Variants in RTF1 observed in about 807,000 individuals in gnomAD.
The protein encoded by RTF1 is RTF1 homolog, Paf1/RNA polymerase II complex component.
RTF1 carries 10 observed loss-of-function variants against 95.7 expected under a neutral mutation model. The observed-to-expected ratio is 0.10, with a 90% confidence interval of 0.06 to 0.18. The LOEUF (loss-of-function observed/expected upper bound fraction) is 0.18. Among genes scored for constraint, RTF1 ranks in the 10% least tolerant of loss-of-function variants. RTF1 has a pLI of 1.00. For missense variants in RTF1, 458 were observed against 875.6 expected (o/e 0.52, Z 6.02); for synonymous variants, 305 against 311.8 (o/e 0.98, Z 0.23).
intron 1 of RTF1, among the ~76,000 whole-genome samples, chr15:41,434,219 G>A (rs1162997192): frequency 6.6e-6 from 1 of 151,110 alleles, no homozygotes; most frequent in African/African-American, 2.4e-5. Flanking sequence ...TTGGGCTCAA[G>A]CGGTCCTCCC....
chr15:41,472,043 C>T (rs1414064438), intron 8 of RTF1, among the ~76,000 whole-genome samples: 4 of 151,108 alleles, frequency 2.6e-5, no homozygotes, highest in Admixed American at 6.6e-5. Context: ...GGACTACAGG[C>T]GCATGCCACC....
intron 1 of RTF1, 51 bp downstream of exon 1, chr15:41,417,364 G>A (rs1287770346): frequency 8.1e-6 from 10 of 1,240,358 alleles, no homozygotes; most frequent in East Asian, 3.2e-5. Context: ...GGGCTGTCGG[G>A]GCCGCGGGAG....
chr15:41,437,066 G>A (rs1350558552), intron 1 of RTF1, among the ~76,000 whole-genome samples: 1 of 152,026 alleles, frequency 6.6e-6, no homozygotes, highest in African/African-American at 2.4e-5. Context: ...CAGCCTGGGC[G>A]ACAGAGCAAG....
At chr15:41,444,418 C>T (rs561899489) in intron 2 of RTF1, among the ~76,000 whole-genome samples, 1 of 151,842 alleles carries the variant, frequency 6.6e-6, no homozygotes, top group African/African-American at 2.4e-5. Context: ...CTCAGCCTCT[C>T]GAGTAGCTGG....
chr15:41,455,824 G>A (rs1179414999), intron 3 of RTF1, among the ~76,000 whole-genome samples: 1 of 151,870 alleles, frequency 6.6e-6, no homozygotes, highest in Non-Finnish European at 1.5e-5. Flanking sequence ...GACTTGGGGA[G>A]GGAGTGAGGG....
intron 6 of RTF1, among the ~76,000 whole-genome samples, chr15:41,469,985 A>C (rs1292270448): frequency 6.6e-6 from 1 of 152,162 alleles, no homozygotes; most frequent in Non-Finnish European, 1.5e-5. Context: ...GTGCCATAAA[A>C]GAGAACTGTC....
At chr15:41,431,329 C>G (rs1013234252) in intron 1 of RTF1, among the ~76,000 whole-genome samples, 9 of 151,332 alleles carry the variant, frequency 5.9e-5, no homozygotes, top group African/African-American at 2.2e-4. Context: ...ATTCTTCTGC[C>G]TCAGCCTCCC....
At chr15:41,480,403 C>A in intron 17 of RTF1, 78 bp downstream of exon 17, 1 of 1,123,986 alleles carries the variant, frequency 8.9e-7, no homozygotes, top group Non-Finnish European at 1.4e-6. Context: ...AGGAAGCCCA[C>A]TTTTAGGGAA....
intron 1 of RTF1, among the ~76,000 whole-genome samples, chr15:41,425,108 G>GT (rs1339225834): frequency 3.2e-4 from 48 of 151,248 alleles, no homozygotes; most frequent in Admixed American, 1.2e-3. Flanking sequence ...GCTAATTTTT[G>GT]TTTTTTATTT....
At chr15:41,423,492 C>T (rs2140944203) in intron 1 of RTF1, among the ~76,000 whole-genome samples, 1 of 151,916 alleles carries the variant, frequency 6.6e-6, no homozygotes, top group East Asian at 2.0e-4. Context: ...GCCTTAGCCT[C>T]CCGAGTAGCT....
chr15:41,470,185 C>T lies in RTF1; in HGVS notation c.890-72C>T, dbSNP rs547715143. 1.3e-4 allele frequency: 200 copies of T among 1,525,158 alleles called. No individual in the cohort carries two copies. The African/African-American group carries it at 2.6e-3, about 20-fold the overall frequency. 94.5% of individuals were successfully genotyped at this position (1,525,158 alleles called of 1,614,324 possible). ...GTGTATTTGAGTCCTCTTCCATTTCCAGTTCTTTTTCAAGGATGAATTCAT... is the reference window on the plus strand; with the variant it reads ...GTGTATTTGAGTCCTCTTCCATTTCTAGTTCTTTTTCAAGGATGAATTCAT... On this transcript the variant is annotated intron_variant, in intron 6 of 17. Coordinates refer to ENST00000389629, the MANE Select transcript of RTF1 (RefSeq NM_015138.5).
intron 1 of RTF1, among the ~76,000 whole-genome samples, chr15:41,437,951 A>T (rs913612603): frequency 1.3e-5 from 2 of 152,216 alleles, no homozygotes; most frequent in Non-Finnish European, 2.9e-5. Flanking sequence ...TAAAATACTA[A>T]ACCGGATAAA....
intron 1 of RTF1, among the ~76,000 whole-genome samples, chr15:41,430,973 G>T (rs2050667312): frequency 6.6e-6 from 1 of 151,648 alleles, no homozygotes; most frequent in Non-Finnish European, 1.5e-5. Flanking sequence ...TGTGATCTCG[G>T]CTCACTGCAA....
chr15:41,478,616 C>T lies in RTF1; in HGVS notation c.1809C>T (p.Ile603=), dbSNP rs767608379. 2.3e-5 allele frequency: 37 copies of T among 1,613,432 alleles called. No individual in the cohort carries two copies. In the South Asian group the frequency reaches 3.3e-4, roughly 14 times the overall value. The change falls in exon 15 of 18, where the codon ATC becomes ATT. Residue 603 remains isoleucine, a synonymous_variant. Coordinates refer to ENST00000389629, the MANE Select transcript of RTF1 (RefSeq NM_015138.5). ...CTCGGCGGCAGTGCAAGCCTACCAT[C>T]GTTTCTAATGTGAGTGCTGAAAGAG... ...PFTRRQCKPT[I]VSNSRDPAVQ... is the part of the protein sequence containing the mutation.
chr15:41,459,439 AT>A (rs2140961595), intron 4 of RTF1, among the ~76,000 whole-genome samples: 1 of 152,304 alleles, frequency 6.6e-6, no homozygotes, highest in East Asian at 1.9e-4. Flanking sequence ...ACGTGATTTG[AT>A]TTCTACTGAG....
chr15:41,463,714 T>C (rs1350942917), intron 4 of RTF1, among the ~76,000 whole-genome samples: 1 of 152,212 alleles, frequency 6.6e-6, no homozygotes, highest in Non-Finnish European at 1.5e-5. Flanking sequence ...ACTCCTGGAC[T>C]CAAGTGATCC....
chr15:41,475,841 A>AT (rs753657532), intron 11 of RTF1, 22 bp downstream of exon 11: 1 of 1,241,576 alleles, frequency 8.1e-7, no homozygotes, highest in Admixed American at 2.0e-5. Context: ...GGTGCCCCAG[A>AT]ACCCGGAGGT....
chr15:41,452,563 G>C (rs369471628), intron 2 of RTF1, among the ~76,000 whole-genome samples: 1 of 151,938 alleles, frequency 6.6e-6, no homozygotes, highest in Non-Finnish European at 1.5e-5. Context: ...GTGAAACCCC[G>C]TCTCTACAAA....
rs1028871239 is a variant in RTF1 at position 41,452,851 on chromosome 15, A to T, written c.310-50A>T. On this transcript the variant is annotated intron_variant, in intron 2 of 17. Coordinates refer to ENST00000389629, the MANE Select transcript of RTF1 (RefSeq NM_015138.5). ...CTCTTGAGTCTTCCAGCTTTTCCCA[A>T]TAAAGTCCCTATTCCTATTTCAGTC... 3 of 1,376,408 alleles carry T rather than the reference A, an allele frequency of 2.2e-6. No individual in the cohort carries two copies. The African/African-American group carries it at 4.4e-5, about 20-fold the overall frequency. The allele number at this position is 1,376,408 out of a possible 1,614,324, so 85.3% of individuals were successfully genotyped here. A position where few individuals can be genotyped will look rare whatever the true frequency, so the allele number is the denominator to read the frequency against.
Sources: allele counts gnomAD v4.1 joint callset (sites outside exome capture counted in the v4.1 genomes callset), GRCh38; gene constraint gnomAD v4.1.1; transcripts MANE v1.5; gene names NCBI Gene and HGNC (gene_info 2026-07-23, HGNC 2026-07-21).